Variants in LPP observed in about 807,000 individuals in gnomAD.
LPP encodes LIM domain containing preferred translocation partner in lipoma, also known as lipoma-preferred partner.
In LPP, 38 loss-of-function variants were observed where a neutral mutation model predicts 60.4. The observed-to-expected ratio is 0.63, with a 90% CI of 0.49 to 0.83. The LOEUF (loss-of-function observed/expected upper bound fraction) is 0.83, where lower values mean the gene tolerates loss of function less well. LPP is among the 40% of genes least tolerant of loss of function. The pLI, the probability that LPP is intolerant of heterozygous loss-of-function variation, is 0.00. For synonymous variants in LPP, 328 were observed against 290.8 expected, an observed-to-expected ratio of 1.13 and a Z score of -1.30; for missense variants, 902 against 783.6, an observed-to-expected ratio of 1.15 and a Z score of -1.80.
At chr3:188,662,692 C>A (rs1046854512) in intron 7 of LPP, among the ~76,000 whole-genome samples, 5 of 152,162 alleles carry the variant, frequency 3.3e-5, no homozygotes, top group Admixed American at 1.3e-4. Flanking sequence ...CTTCTCCATC[C>A]CCTTGCAAAG....
At chr3:188,614,890 C>A (rs1844559503) in intron 7 of LPP, among the ~76,000 whole-genome samples, 1 of 152,140 alleles carries the variant, frequency 6.6e-6, no homozygotes, top group African/African-American at 2.4e-5. Context: ...CCCTGCCTGG[C>A]ACCCAGGCCT....
intron 8 of LPP, among the ~76,000 whole-genome samples, chr3:188,715,175 C>T (rs376175632): frequency 1.3e-5 from 2 of 151,878 alleles, no homozygotes; most frequent in Non-Finnish European, 2.9e-5. Flanking sequence ...GTCAAGAGAT[C>T]AAGACCATCC....
intron 3 of LPP, among the ~76,000 whole-genome samples, chr3:188,358,969 A>G (rs570780751): frequency 6.6e-6 from 1 of 152,314 alleles, no homozygotes; most frequent in East Asian, 1.9e-4. Flanking sequence ...TAACATGCCC[A>G]GTCTTCGAGG....
chr3:188,482,381 C>G (rs548981774), intron 4 of LPP, among the ~76,000 whole-genome samples: 1 of 152,332 alleles, frequency 6.6e-6, no homozygotes, highest in South Asian at 2.1e-4. Flanking sequence ...ATTGCCTAAG[C>G]TCTCATTGTG....
chr3:188,679,560 T>C (rs868159599), intron 7 of LPP, among the ~76,000 whole-genome samples: 973 of 85,630 alleles, frequency 0.011, 10 homozygotes, highest in Admixed American at 0.042. Context: ...TGTGTGTGTG[T>C]GTGCGCGCGC....
chr3:188,218,427 C>CCCCTGGCA (rs1247826307), intron 1 of LPP, among the ~76,000 whole-genome samples: 2 of 152,314 alleles, frequency 1.3e-5, no homozygotes, highest in African/African-American at 2.4e-5. Flanking sequence ...TCCTGTGTAT[C>CCCCTGGCA]CCCTGGCAAT....
intron 2 of LPP, among the ~76,000 whole-genome samples, chr3:188,260,122 C>A (rs535158308): frequency 1.0e-3 from 155 of 151,996 alleles, no homozygotes; most frequent in South Asian, 2.7e-3. Context: ...TGACTGCAAC[C>A]CCTGCCTCCC....
chr3:188,240,258 A>T (rs79060525), intron 2 of LPP: 4 of 172,234 alleles, frequency 2.3e-5, no homozygotes, highest in East Asian at 1.1e-4. Context: ...GCCAAAAAGT[A>T]GTGAGGGGGA....
intron 3 of LPP, among the ~76,000 whole-genome samples, chr3:188,357,415 T>C (rs1363814041): frequency 6.6e-6 from 1 of 152,180 alleles, no homozygotes; most frequent in East Asian, 1.9e-4. Flanking sequence ...GTTTTATGAA[T>C]GATGCTGAAC....
At chr3:188,174,525 C>T (rs1420013859) in intron 1 of LPP, among the ~76,000 whole-genome samples, 2 of 152,202 alleles carry the variant, frequency 1.3e-5, no homozygotes, top group African/African-American at 2.4e-5. Flanking sequence ...AGTTCTGTCC[C>T]TGGAGCCTGG....
In LPP at chr3:188,609,236, C is replaced by G; in HGVS notation, c.505C>G (p.Gln169Glu). The G allele has an allele frequency of 6.2e-7, 1 of 1,613,986 alleles. No individual in the cohort carries two copies. Among genetic ancestry groups the G allele is most frequent in the Non-Finnish European group, 8.5e-7 (1 of 1,179,992 alleles). Reference sequence around the variant, plus strand: ...ACACAAGAGAATGGTCATCCCGAACCAACCCCCTCTAACAGCAACCAAGAA... The same window carrying G: ...ACACAAGAGAATGGTCATCCCGAACGAACCCCCTCTAACAGCAACCAAGAA... ...TGHKRMVIPN[Q>E]PPLTATKKST... Residue 169 changes from glutamine (Q) to glutamate (E), a missense_variant, in exon 7 of 12, where the codon CAA becomes GAA. Transcript: ENST00000617246. The surrounding 1 kb of genome is among the most constrained non-coding windows in gnomAD (Gnocchi z 6.9).
intron 9 of LPP, among the ~76,000 whole-genome samples, chr3:188,795,288 A>G (rs1018601073): frequency 1.3e-5 from 2 of 152,250 alleles, no homozygotes; most frequent in African/African-American, 4.8e-5. Context: ...TAACTACTCT[A>G]GCAAACACAT....
At chr3:188,588,358 C>T (rs1837940830) in intron 6 of LPP, among the ~76,000 whole-genome samples, 1 of 152,206 alleles carries the variant, frequency 6.6e-6, no homozygotes, top group African/African-American at 2.4e-5. Flanking sequence ...CCCTGCCCTT[C>T]TTATGCCCTA....
chr3:188,754,024 A>T (rs552431520), intron 8 of LPP, among the ~76,000 whole-genome samples: 2 of 152,334 alleles, frequency 1.3e-5, no homozygotes, highest in Non-Finnish European at 2.9e-5. Context: ...TTGCTACATT[A>T]TGTAAAGACA....
intron 6 of LPP, among the ~76,000 whole-genome samples, chr3:188,537,634 T>A (rs1025588532): frequency 1.3e-5 from 2 of 152,200 alleles, no homozygotes; most frequent in African/African-American, 4.8e-5. Context: ...ACATCTTCTG[T>A]TGATTAGTTG....
At chr3:188,285,241 AGGGG>A in intron 2 of LPP, among the ~76,000 whole-genome samples, 1 of 152,290 alleles carries the variant, frequency 6.6e-6, no homozygotes, top group East Asian at 1.9e-4. Context: ...ATAAAGATAA[AGGGG>A]TATACAGACT....
intron 2 of LPP, among the ~76,000 whole-genome samples, chr3:188,229,416 C>A (rs957265264): frequency 6.6e-6 from 1 of 152,206 alleles, no homozygotes; most frequent in Non-Finnish European, 1.5e-5. Flanking sequence ...CTTTGGTCCT[C>A]AGAAGTATCA....
In LPP at chr3:188,721,791, C is replaced by G. The variant is rs16863555; in HGVS notation, c.1240+13398C>G. On this transcript the variant is annotated intron_variant, in intron 8 of 11. Transcript: ENST00000617246. ...TCGTGTTGTGTTGTTAGATATTGTT[C>G]CAGGCATCCAGCACTGAGAGGCATT... 0.02 allele frequency among the ~76,000 whole-genome samples: 3,046 copies of G among 152,144 alleles called. 222 individuals are homozygous for G. The East Asian group carries it at 0.26, about 13-fold the overall frequency.
rs1031686623 is a variant in LPP, at chr3:188,488,927, G to A, written c.306+4223G>A. Reference sequence around the variant, plus strand: ...GCTGGGATTACAGGCATGATCCACCGCGCCCGGCCAGTTAGTTTTATTCTT... The same window carrying A: ...GCTGGGATTACAGGCATGATCCACCACGCCCGGCCAGTTAGTTTTATTCTT... On this transcript the variant is annotated intron_variant, in intron 5 of 11. Coordinates refer to ENST00000617246, the MANE Select transcript of LPP (RefSeq NM_001375462.1). Among the ~76,000 whole-genome samples the A allele has an allele frequency of 6.6e-5, 10 of 152,148 alleles. No individual in the cohort carries two copies. In the East Asian group the frequency reaches 1.5e-3, roughly 24 times the overall value.
Sources: gnomAD v4.1 joint callset for allele counts (sites outside exome capture counted in the v4.1 genomes callset) on GRCh38, gnomAD v4.1.1 for gene constraint, Gnocchi (gnomAD v3.1) non-coding constraint, MANE v1.5 for transcripts, NCBI Gene and HGNC (gene_info 2026-07-23, HGNC 2026-07-21) for gene names.